The following GPR39 variants were observed in gnomAD, a reference collection of about 807,000 sequenced individuals.
The protein encoded by GPR39 is G protein-coupled receptor 39, also known as zinc sensing receptor.
Under a neutral mutation model 18.4 loss-of-function variants are expected in GPR39, and 23 were observed. That is an observed-to-expected ratio of 1.25 (90% confidence interval 0.90 to 1.77). The LOEUF (loss-of-function observed/expected upper bound fraction) is 1.77. Ranked by LOEUF, GPR39 falls within the 40% of genes most tolerant of loss-of-function variation. The probability of loss-of-function intolerance (pLI) is 0.00; values close to 1 mark genes in which losing one functional copy is unlikely to be tolerated. For missense variants in GPR39, 647 were observed against 602.4 expected, an observed-to-expected ratio of 1.07 and a Z score of -0.78; for synonymous variants, 280 against 257.9, an observed-to-expected ratio of 1.09 and a Z score of -0.82.
At chr2:132,420,763 A>C (rs997327311) in intron 1 of GPR39, among the ~76,000 whole-genome samples, 1 of 152,212 alleles carries the variant, frequency 6.6e-6, no homozygotes, top group Non-Finnish European at 1.5e-5. Flanking sequence ...CCATGTAAAA[A>C]ATATTAATTT....
At chr2:132,620,321 C>T (rs896144730) in intron 1 of GPR39, among the ~76,000 whole-genome samples, 4 of 152,182 alleles carry the variant, frequency 2.6e-5, no homozygotes, top group African/African-American at 9.7e-5. Flanking sequence ...GAGGTTTGCC[C>T]AGAGGGTTCC....
chr2:132,439,582 A>C (rs1354659850), intron 1 of GPR39, among the ~76,000 whole-genome samples: 1 of 152,202 alleles, frequency 6.6e-6, no homozygotes, highest in Non-Finnish European at 1.5e-5. Flanking sequence ...GAGTACCCTG[A>C]TTGAATGCCT....
intron 1 of GPR39, among the ~76,000 whole-genome samples, chr2:132,477,023 T>A (rs1032648738): frequency 1.3e-5 from 2 of 152,138 alleles, no homozygotes; most frequent in East Asian, 1.9e-4. Flanking sequence ...TGGGCTATGG[T>A]CCCCCTCTGC....
At chr2:132,440,963 C>G (rs146579912) in intron 1 of GPR39, among the ~76,000 whole-genome samples, 7 of 152,270 alleles carry the variant, frequency 4.6e-5, no homozygotes, top group African/African-American at 1.4e-4. Flanking sequence ...CTGAAGGACA[C>G]GCTCTTCTCT....
intron 1 of GPR39, among the ~76,000 whole-genome samples, chr2:132,643,214 A>T (rs1573715126): frequency 6.6e-6 from 1 of 152,326 alleles, no homozygotes; most frequent in Non-Finnish European, 1.5e-5. Context: ...TCATCAGATC[A>T]ATATGTTAGT....
At chr2:132,633,967 A>G (rs1274011719) in intron 1 of GPR39, among the ~76,000 whole-genome samples, 2 of 141,110 alleles carry the variant, frequency 1.4e-5, no homozygotes, top group African/African-American at 6.2e-5. Context: ...AGTGGTGGAA[A>G]CAGTGGAGTT....
chr2:132,434,237 T>A (rs1382538815), intron 1 of GPR39, among the ~76,000 whole-genome samples: 2 of 152,192 alleles, frequency 1.3e-5, no homozygotes, highest in Admixed American at 1.3e-4. Flanking sequence ...CTAACTCTAC[T>A]GTTTTGTTCA....
intron 1 of GPR39, among the ~76,000 whole-genome samples, chr2:132,611,391 C>T (rs554752576): frequency 8.5e-5 from 13 of 152,218 alleles, no homozygotes; most frequent in Non-Finnish European, 1.9e-4. Context: ...CACTCTTTCT[C>T]ACTGCCGTCC....
chr2:132,565,412 T>TTTA (rs1169065733), intron 1 of GPR39, among the ~76,000 whole-genome samples: 1 of 135,486 alleles, frequency 7.4e-6, no homozygotes, highest in African/African-American at 2.7e-5. Flanking sequence ...TTTTTTTTTT[T>TTTA]ATTATACTTT....
intron 1 of GPR39, among the ~76,000 whole-genome samples, chr2:132,500,782 C>T (rs546619091): frequency 2.0e-5 from 3 of 152,042 alleles, no homozygotes; most frequent in Non-Finnish European, 4.4e-5. Context: ...TTCAGAGATT[C>T]TATATCTTCC....
At position 132,645,370 on chromosome 2, in the gene GPR39, G is replaced by C; in HGVS notation, c.1126G>C (p.Val376Leu). The C allele has an allele frequency of 1.2e-6, 2 of 1,613,812 alleles. No individual in the cohort carries two copies. The highest frequency in any genetic ancestry group is 1.7e-6 in the Non-Finnish European group (2 of 1,179,990). ...QHANHEKRLR[V>L]HAHSTTDSAR... ...CGCCAACCACGAGAAGCGCCTGCGCGTACATGCGCACTCCACCACCGACAG... is the reference window on the plus strand; with the variant it reads ...CGCCAACCACGAGAAGCGCCTGCGCCTACATGCGCACTCCACCACCGACAG... Residue 376 changes from valine (V) to leucine (L), a missense_variant, in exon 2 of 2, where the codon GTA becomes CTA. Coordinates refer to ENST00000329321, the MANE Select transcript of GPR39 (RefSeq NM_001508.3).
chr2:132,574,318 C>T (rs1220079740), intron 1 of GPR39, among the ~76,000 whole-genome samples: 1 of 152,184 alleles, frequency 6.6e-6, no homozygotes, highest in African/African-American at 2.4e-5. Flanking sequence ...TCTTTGACTA[C>T]TCATAAGGAT....
At chr2:132,479,264 C>T (rs577487385) in intron 1 of GPR39, among the ~76,000 whole-genome samples, 7 of 152,130 alleles carry the variant, frequency 4.6e-5, no homozygotes, top group South Asian at 2.1e-4. Flanking sequence ...ATGAGACCTG[C>T]GAATTAAGTG....
intron 1 of GPR39, among the ~76,000 whole-genome samples, chr2:132,598,592 C>G (rs1680988257): frequency 6.6e-6 from 1 of 151,938 alleles, no homozygotes; most frequent in South Asian, 2.1e-4. Flanking sequence ...TTAGGTTTGC[C>G]ACTTCCTAGA....
Position 132,644,879 on chromosome 2 carries a change from T to G in GPR39, c.857-222T>G, listed in dbSNP as rs1263621690. The G allele has an allele frequency of 6.9e-6, 4 of 577,764 alleles. No homozygotes were observed. In the Admixed American group the frequency reaches 1.0e-4, roughly 14 times the overall value. The allele number at this position is 577,764 out of a possible 1,614,324, so 35.8% of individuals were successfully genotyped here. ...CACTGTCTAAAGCATTTAATGGTCTTTCTTTAACACAGCCAACTCCCCCGG... is the reference window on the plus strand; with the variant it reads ...CACTGTCTAAAGCATTTAATGGTCTGTCTTTAACACAGCCAACTCCCCCGG... On this transcript the variant is annotated intron_variant, in intron 1 of 1. Transcript: ENST00000329321.
At chr2:132,526,463 C>G (rs1023533628) in intron 1 of GPR39, among the ~76,000 whole-genome samples, 2 of 152,216 alleles carry the variant, frequency 1.3e-5, no homozygotes, top group African/African-American at 4.8e-5. Flanking sequence ...CAGGGCTCAG[C>G]TCAACCTGCA....
intron 1 of GPR39, among the ~76,000 whole-genome samples, chr2:132,463,633 A>G (rs535704011): frequency 6.6e-6 from 1 of 152,326 alleles, no homozygotes; most frequent in South Asian, 2.1e-4. Flanking sequence ...TCAGTTTATA[A>G]AATAAGAAGC....
rs145584348 is a variant in GPR39 at position 132,421,716 on chromosome 2, A to G, written c.856+3818A>G. On this transcript the variant is annotated intron_variant, in intron 1 of 1. Coordinates refer to ENST00000329321, the MANE Select transcript of GPR39 (RefSeq NM_001508.3). ...AAAAATAAGGTTGATATACATTTAG[A>G]TATTTGTGGCATGGTTCAGGGAGAA... is the stretch of plus-strand genomic sequence containing the variant. Among the ~76,000 whole-genome samples, 691 of 152,298 alleles carry G rather than the reference A, an allele frequency of 4.5e-3. 5 individuals are homozygous for G. Among genetic ancestry groups the G allele is most frequent in the African/African-American group, 0.016 (646 of 41,562 alleles).
intron 1 of GPR39, among the ~76,000 whole-genome samples, chr2:132,550,417 A>G (rs1573661342): frequency 6.6e-6 from 1 of 152,208 alleles, no homozygotes; most frequent in African/African-American, 2.4e-5. Flanking sequence ...ACACACTTGC[A>G]CTCTGTGTTG....
Sources: allele counts gnomAD v4.1 joint callset (sites outside exome capture counted in the v4.1 genomes callset), GRCh38; gene constraint gnomAD v4.1.1; transcripts MANE v1.5; gene names NCBI Gene and HGNC (gene_info 2026-07-23, HGNC 2026-07-21).